USP2: variants seen among roughly 807,000 people sequenced by gnomAD.
USP2 encodes ubiquitin specific peptidase 2, also known as ubiquitin carboxyl-terminal hydrolase 2.
In USP2, 33 loss-of-function variants were observed where a neutral mutation model predicts 72.0. That is an observed-to-expected ratio of 0.46 (90% confidence interval 0.35 to 0.61). The LOEUF is 0.61. Among genes scored for constraint, USP2 ranks in the 20% least tolerant of loss-of-function variants. The pLI, the probability that USP2 is intolerant of heterozygous loss-of-function variation, is 0.01. For synonymous variants in USP2, 296 were observed against 312.5 expected, an observed-to-expected ratio of 0.95 and a Z score of 0.56; for missense variants, 691 against 797.8, an observed-to-expected ratio of 0.87 and a Z score of 1.61.
chr11:119,369,277 C>T (rs904274947), intron 2 of USP2, among the ~76,000 whole-genome samples: 7 of 152,052 alleles, frequency 4.6e-5, no homozygotes, highest in Non-Finnish European at 7.4e-5. Context: ...ATTTATGTGG[C>T]GCCCCCTGCC....
chr11:119,367,936 C>T (rs772801860), intron 2 of USP2, among the ~76,000 whole-genome samples: 2 of 152,164 alleles, frequency 1.3e-5, no homozygotes, highest in Non-Finnish European at 2.9e-5. Flanking sequence ...CCCACCCCAG[C>T]ACCACATTAA....
At chr11:119,357,648 G>C in intron 10 of USP2, 58 bp from the exon 11 acceptor site, 1 of 1,613,694 alleles carries the variant, frequency 6.2e-7, no homozygotes, top group Non-Finnish European at 8.5e-7. Context: ...GACAACAAAA[G>C]GAAAGCCTAC....
At chr11:119,377,406 C>T (rs1412230023) in intron 1 of USP2, among the ~76,000 whole-genome samples, 1 of 152,202 alleles carries the variant, frequency 6.6e-6, no homozygotes, top group African/African-American at 2.4e-5. Flanking sequence ...TCCAGGTGTC[C>T]GTCATCCAGT....
intron 2 of USP2, among the ~76,000 whole-genome samples, chr11:119,367,190 A>T (rs1458773963): frequency 6.6e-6 from 1 of 152,178 alleles, no homozygotes; most frequent in African/African-American, 2.4e-5. Context: ...TGCTTCAAAT[A>T]CACAAAGCTA....
At position 119,372,851 on chromosome 11, in the gene USP2, C is replaced by T; in HGVS notation, c.630G>A (p.Gln210=). 6.2e-7 allele frequency: 1 copy of T among 1,607,174 alleles called. No homozygotes were observed. The highest frequency in any genetic ancestry group is 8.5e-7 in the Non-Finnish European group (1 of 1,177,346). ...GTGAGGGAGGGGCCTGGGAGGGCAC[C>T]TGAGATGCACTGCCCTTGCGACCAT... ...ENYGRKGSAS[Q]VPSQAPPSRV... Residue 210 remains glutamine, a synonymous_variant, in exon 2 of 13, where the codon CAG becomes CAA. Transcript: ENST00000260187.
rs1004650999 is a variant in USP2 at position 119,356,740 on chromosome 11, T to G, written c.*95A>C. The G allele has an allele frequency of 2.4e-6, 3 of 1,237,282 alleles. No individual in the cohort carries two copies. Among genetic ancestry groups the G allele is most frequent in the Non-Finnish European group, 3.3e-6 (3 of 896,794 alleles). The allele number at this position is 1,237,282 out of a possible 1,614,324, so 76.6% of individuals were successfully genotyped here. A position where few individuals can be genotyped will look rare whatever the true frequency, so the allele number is the denominator to read the frequency against. The stretch of plus-strand genomic sequence containing the variant: ...CAGGTTTGTTTTTCTCTTGTCAGGT[T>G]TGTGTGTTGTTGTTGTTGTTTTGTT... On this transcript the variant is annotated 3_prime_UTR_variant, in exon 13 of 13. Transcript: ENST00000260187.
At chr11:119,379,917 C>CT (rs397816714) in intron 1 of USP2, among the ~76,000 whole-genome samples, 1,172 of 116,458 alleles carry the variant, frequency 0.01, 63 homozygotes, top group East Asian at 0.038. Flanking sequence ...GTTCCTTTCT[C>CT]TTTTTTTTTT....
At chr11:119,363,832 GA>G (rs1259322687) in intron 2 of USP2, 5 of 1,379,628 alleles carry the variant, frequency 3.6e-6, no homozygotes, top group South Asian at 1.6e-5. Context: ...GGGGGTCCCG[GA>G]AAAGGGCCCG....
chr11:119,360,600 T>C (rs773338560), intron 2 of USP2, among the ~76,000 whole-genome samples: 11 of 152,118 alleles, frequency 7.2e-5, no homozygotes, highest in Non-Finnish European at 1.2e-4. Context: ...ATTTTTTGTA[T>C]TTTTAGTAGA....
intron 1 of USP2, chr11:119,376,482 A>C: frequency 1.1e-6 from 1 of 915,096 alleles, no homozygotes; most frequent in Non-Finnish European, 1.3e-6. Context: ...TTCACTGTTT[A>C]CCCAGAGCTG....
At chr11:119,359,759 CT>C (rs1950733228) in intron 3 of USP2, 99 bp from the exon 4 acceptor site, 1 of 1,501,080 alleles carries the variant, frequency 6.7e-7, no homozygotes, top group African/African-American at 1.4e-5. Flanking sequence ...ACCTAGAATC[CT>C]TTCATAGGAG....
intron 2 of USP2, among the ~76,000 whole-genome samples, chr11:119,368,526 A>T (rs1950884842): frequency 6.6e-6 from 1 of 152,144 alleles, no homozygotes; most frequent in South Asian, 2.1e-4. Context: ...AAATCACATG[A>T]CCTCAGCTTA....
Position 119,381,612 on chromosome 11 carries a change from T to G in USP2, c.-181A>C. 1 of 1,477,240 alleles carries G rather than the reference T, an allele frequency of 6.8e-7. No homozygotes were observed. The highest frequency in any genetic ancestry group is 9.1e-7 in the Non-Finnish European group (1 of 1,095,218). The allele number at this position is 1,477,240 out of a possible 1,614,324, so 91.5% of individuals were successfully genotyped here. A position where few individuals can be genotyped will look rare whatever the true frequency, so the allele number is the denominator to read the frequency against. ...CGGCCTCGGCTCCTGCCTGACTCTC[T>G]CCCACCTCCGCCGGGGGCCCAGAAG... On this transcript the variant is annotated 5_prime_UTR_variant, in exon 1 of 13. Transcript: ENST00000260187.
Position 119,357,498 on chromosome 11 carries a change from C to T in USP2, c.1594G>A (p.Ala532Thr), listed in dbSNP as rs1465625500. ...PLRDLDLREF[A>T]SENTNHAVYN... ...AGATACTCACTGGTGTTTTCTGAGG[C>T]AAATTCTCTTAAGTCCAGGTCTCTT... The change falls in exon 11 of 13, where the codon GCC (alanine) becomes ACC (threonine). Residue 532 changes from alanine (A) to threonine (T), a missense_variant. By Grantham distance (58) the Ala-to-Thr change is moderately conservative (BLOSUM62 0). Transcript: ENST00000260187. 1.2e-6 allele frequency: 2 copies of T among 1,614,170 alleles called. No individual in the cohort carries two copies. Among genetic ancestry groups the T allele is most frequent in the Non-Finnish European group, 1.7e-6 (2 of 1,180,038 alleles).
chr11:119,364,982 G>C (rs1002006576), intron 2 of USP2, among the ~76,000 whole-genome samples: 2 of 152,184 alleles, frequency 1.3e-5, no homozygotes, highest in Non-Finnish European at 2.9e-5. Context: ...GCGCTCAGCT[G>C]GCATGGGGCG....
intron 1 of USP2, among the ~76,000 whole-genome samples, chr11:119,375,007 G>T (rs908449452): frequency 2.6e-5 from 4 of 152,336 alleles, no homozygotes; most frequent in East Asian, 1.9e-4. Flanking sequence ...CCCAGCTACT[G>T]CGAGGCAGCA....
Position 119,357,995 on chromosome 11 carries a change from C to T in USP2, c.1408G>A (p.Gly470Arg). Residue 470 changes from glycine to arginine, a missense_variant, in exon 9 of 13, where the codon GGA (glycine) becomes AGA (arginine). Physicochemically the swap from Gly to Arg is moderately radical, Grantham distance 125 (BLOSUM62 -2). Coordinates refer to ENST00000260187, the MANE Select transcript of USP2 (RefSeq NM_004205.5). ...GGGTGACTTACTGGCTTTTCATCTCCATCAAGCACATCCTCTTTGGTGAAG... is the reference window on the plus strand; with the variant it reads ...GGGTGACTTACTGGCTTTTCATCTCTATCAAGCACATCCTCTTTGGTGAAG... ...RLFTKEDVLD[G>R]DEKPTCCRCR... The T allele has an allele frequency of 6.2e-7, 1 of 1,614,180 alleles. No individual in the cohort carries two copies. Among genetic ancestry groups the T allele is most frequent in the Non-Finnish European group, 8.5e-7 (1 of 1,180,036 alleles).
In USP2 at chr11:119,364,224, G is replaced by A. The variant is rs1192819463; in HGVS notation, c.775-3990C>T. ...CCGGCCGACTGGCGGCCCCGCCGGC[G>A]CCTCGGGCCCCGCGACGTCAGCGCT... On this transcript the variant is annotated intron_variant, in intron 2 of 12. Transcript: ENST00000260187. 114 of 1,104,636 alleles carry A rather than the reference G, an allele frequency of 1.0e-4. 1 individual carries two copies. In the South Asian group the frequency reaches 4.8e-3, roughly 47 times the overall value. The allele number at this position is 1,104,636 out of a possible 1,614,324, so 68.4% of individuals were successfully genotyped here. A position where few individuals can be genotyped will look rare whatever the true frequency, so the allele number is the denominator to read the frequency against.
chr11:119,366,747 G>A (rs983896201), intron 2 of USP2, among the ~76,000 whole-genome samples: 6 of 152,202 alleles, frequency 3.9e-5, no homozygotes, highest in African/African-American at 1.4e-4. Context: ...CACATGTGCT[G>A]CTGGGCTTGG....
Sources: gnomAD v4.1 joint callset for allele counts (sites outside exome capture counted in the v4.1 genomes callset) on GRCh38, gnomAD v4.1.1 for gene constraint, MANE v1.5 for transcripts, NCBI Gene and HGNC (gene_info 2026-07-23, HGNC 2026-07-21) for gene names.